Variants in FXR2 observed in about 807,000 individuals in gnomAD.
The protein encoded by FXR2 is RNA-binding protein FXR2.
Under a neutral mutation model 87.3 loss-of-function variants are expected in FXR2, and 9 were observed. That is an observed-to-expected ratio of 0.10 (90% CI 0.06 to 0.18). The LOEUF (loss-of-function observed/expected upper bound fraction) is 0.18. FXR2 is among the 10% of genes least tolerant of loss of function. The pLI is 1.00. For missense variants in FXR2, 661 were observed against 893.6 expected (o/e 0.74, Z 3.32); for synonymous variants, 331 against 328.3 (o/e 1.01, Z -0.09).
In FXR2 at chr17:7,593,529, C is replaced by T. The variant is rs762216200; in HGVS notation, c.1204G>A (p.Gly402Ser). ...CTATATCCAGCCTTGTCGCTGCCAC[C>T]GCTGCCCCGCCCACTCCCAGGAGGG... ...FRPPGSGRGS[G>S]GSDKAGYSTD... Residue 402 changes from glycine to serine, a missense_variant, in exon 12 of 17, where the codon GGT (glycine) becomes AGT (serine). This residue lies in a region of FXR2 where 409 missense variants were observed against 432.0 expected (regional missense o/e 0.95). Transcript: ENST00000250113. The surrounding 1 kb of genome is among the most constrained non-coding windows in gnomAD (Gnocchi z 6.1). The T allele has an allele frequency of 9.4e-6, 15 of 1,590,468 alleles. No individual in the cohort carries two copies. The highest frequency in any genetic ancestry group is 3.4e-5 in the South Asian group (3 of 87,440).
intron 1 of FXR2, among the ~76,000 whole-genome samples, chr17:7,612,540 G>C (rs1264593637): frequency 2.0e-5 from 3 of 152,104 alleles, no homozygotes; most frequent in African/African-American, 7.2e-5. Flanking sequence ...AGGGAATAAG[G>C]TGATTCCTGG....
In FXR2 at chr17:7,602,951, G is replaced by A; in HGVS notation, c.501C>T (p.Asn167=). 6.3e-7 allele frequency: 1 copy of A among 1,595,414 alleles called. No individual in the cohort carries two copies. ...TGTTTGTGATGTTGAGAAAGATGCA[G>A]TTGGCTCCCAGGGCTTTCTTGAACT... The part of the protein sequence containing the change: ...HKEFKKALGA[N]CIFLNITNSE... Residue 167 remains asparagine, a synonymous_variant, in exon 6 of 17, where the codon AAC becomes AAT. Coordinates refer to ENST00000250113, the MANE Select transcript of FXR2 (RefSeq NM_004860.4).
chr17:7,601,578 A>G lies in FXR2; in HGVS notation c.544-53T>C, dbSNP rs142277039. The stretch of plus-strand genomic sequence containing the variant: ...TAAAACTGGCTTGGAATAAACACTA[A>G]GGGAGAGCCAGGGACTAGAAATCAG... On this transcript the variant is annotated intron_variant, in intron 6 of 16. Transcript: ENST00000250113. 9.0e-6 allele frequency: 9 copies of G among 1,001,180 alleles called. No individual in the cohort carries two copies. The East Asian group carries it at 2.2e-4, about 24-fold the overall frequency. 62.0% of individuals were successfully genotyped at this position (1,001,180 alleles called of 1,614,324 possible). A position where few individuals can be genotyped will look rare whatever the true frequency, so the allele number is the denominator to read the frequency against.
chr17:7,603,661 G>T, intron 5 of FXR2, 96 bp downstream of exon 5: 1 of 1,234,488 alleles, frequency 8.1e-7, no homozygotes, highest in Non-Finnish European at 1.2e-6. Flanking sequence ...GGGAACAACA[G>T]AGAAAACTGC....
chr17:7,592,328 C>G lies in FXR2; in HGVS notation c.1852G>C (p.Ala618Pro). Residue 618 changes from alanine to proline, a missense_variant, in exon 16 of 17, where the codon GCA (alanine) becomes CCA (proline). By Grantham distance (27) the Ala-to-Pro change is conservative. Transcript: ENST00000250113. The surrounding 1 kb of genome is among the most constrained non-coding windows in gnomAD (Gnocchi z 4.8). ...PVTVADYISR[A>P]ESQSRQRPPL... ...GGCCTCTGGCGGCTCTGAGACTCTG[C>G]TCGTGAGATATAGTCAGCCACAGTC... 2.5e-6 allele frequency: 4 copies of G among 1,612,926 alleles called. No individual in the cohort carries two copies. Among genetic ancestry groups the G allele is most frequent in the Non-Finnish European group, 3.4e-6 (4 of 1,178,950 alleles).
rs2071667920 is a variant in FXR2 at position 7,592,201 on chromosome 17, C to T, written c.1926+53G>A. 1 of 1,542,180 alleles carries T rather than the reference C, an allele frequency of 6.5e-7. No individual in the cohort carries two copies. Among genetic ancestry groups the T allele is most frequent in the South Asian group, 1.1e-5 (1 of 87,884 alleles). Reference sequence around the variant, plus strand: ...TTTGTGAAATTTTTTGTGCCCCCTGCCCCAGAGTAACAACAAAAAAGGGAT... The same window carrying T: ...TTTGTGAAATTTTTTGTGCCCCCTGTCCCAGAGTAACAACAAAAAAGGGAT... On this transcript the variant is annotated intron_variant, in intron 16 of 16. Transcript: ENST00000250113. This position sits in a 1 kb window ranked among gnomAD's most constrained non-coding sequence, Gnocchi z 4.8.
chr17:7,605,772 C>G (rs758726945), intron 2 of FXR2, 34 bp from the exon 3 acceptor site: 2 of 1,177,412 alleles, frequency 1.7e-6, no homozygotes, highest in Middle Eastern at 1.9e-4. Flanking sequence ...AAAAGCTACT[C>G]TGACTGATAT....
chr17:7,603,059 G>C (rs558765744), intron 5 of FXR2, 57 bp from the exon 6 acceptor site: 6 of 840,890 alleles, frequency 7.1e-6, no homozygotes, highest in Non-Finnish European at 1.2e-5. Context: ...TGAAGAGTTC[G>C]GGGGAGGCTG....
At chr17:7,606,269 G>A in intron 1 of FXR2, 120 bp from the exon 2 acceptor site, 1 of 656,088 alleles carries the variant, frequency 1.5e-6, no homozygotes. Context: ...GGACACAAGT[G>A]GTGTAATGAG....
Position 7,592,191 on chromosome 17 carries a change from G to T in FXR2, c.1926+63C>A. ...CAGTAGGAGATTTGTGAAATTTTTT[G>T]TGCCCCCTGCCCCAGAGTAACAACA... On this transcript the variant is annotated intron_variant, in intron 16 of 16. Transcript: ENST00000250113. This position sits in a 1 kb window ranked among gnomAD's most constrained non-coding sequence, Gnocchi z 4.8. 6.5e-7 allele frequency: 1 copy of T among 1,539,222 alleles called. No individual in the cohort carries two copies. The highest frequency in any genetic ancestry group is 1.4e-5 in the African/African-American group (1 of 72,702).
rs745574615 is a variant in FXR2 at position 7,592,303 on chromosome 17, G to T, written c.1877C>A (p.Pro626Gln). 6.2e-7 allele frequency: 1 copy of T among 1,613,332 alleles called. No individual in the cohort carries two copies. The highest frequency in any genetic ancestry group is 8.5e-7 in the Non-Finnish European group (1 of 1,179,332). ...TGAGGGTTTAGTGCGTTCCAGGGGT[G>T]GCCTCTGGCGGCTCTGAGACTCTGC... ...SRAESQSRQR[P>Q]PLERTKPSED... is the part of the protein sequence containing the mutation. The change falls in exon 16 of 17, where the codon CCA becomes CAA. Residue 626 changes from proline to glutamine, a missense_variant. By Grantham distance (76) the Pro-to-Gln change is moderately conservative (BLOSUM62 -1). This residue lies in a region of FXR2 where 409 missense variants were observed against 432.0 expected (regional missense o/e 0.95). Transcript: ENST00000250113. The surrounding 1 kb of genome is among the most constrained non-coding windows in gnomAD (Gnocchi z 4.8).
At chr17:7,612,376 A>T (rs557032545) in intron 1 of FXR2, among the ~76,000 whole-genome samples, 2 of 152,338 alleles carry the variant, frequency 1.3e-5, no homozygotes, top group South Asian at 4.1e-4. Context: ...ATGAGAGACA[A>T]ATGTGCTCTA....
rs189005809 is a variant in FXR2, at chr17:7,593,180, G to A, written c.1332C>T (p.Gly444=). Residue 444 remains glycine, a splice_region_variant and synonymous_variant, in exon 13 of 17, where the codon GGC becomes GGT. Transcript: ENST00000250113. This position sits in a 1 kb window ranked among gnomAD's most constrained non-coding sequence, Gnocchi z 6.1. ...RGRRTGGPAY[G]PSSDVSTASE... ...AAGCTGTAGACACATCTGAGCTGGG[G>A]CCTGAAGAACACAATGGGATTTATT... 3 of 1,516,676 alleles carry A rather than the reference G, an allele frequency of 2.0e-6. No homozygotes were observed. The highest frequency in any genetic ancestry group is 2.3e-5 in the East Asian group (1 of 43,990). 94.0% of individuals were successfully genotyped at this position (1,516,676 alleles called of 1,614,324 possible). A position where few individuals can be genotyped will look rare whatever the true frequency, so the allele number is the denominator to read the frequency against.
chr17:7,610,000 GTATACA>G lies in FXR2; in HGVS notation c.82-3857_82-3852del, dbSNP rs1567754004. ...TATACATATATATATACATGTATAT[GTATACA>G]TATATATATACATGTATATGTATAC... On this transcript the variant is annotated intron_variant, in intron 1 of 16. Coordinates refer to ENST00000250113, the MANE Select transcript of FXR2 (RefSeq NM_004860.4). Among the ~76,000 whole-genome samples the G allele has an allele frequency of 1.9e-4, 24 of 125,790 alleles. 2 individuals are homozygous for G. Among genetic ancestry groups the G allele is most frequent in the African/African-American group, 5.0e-4 (17 of 34,242 alleles). 82.5% of individuals were successfully genotyped at this position (125,790 alleles called of 152,430 possible). A position where few individuals can be genotyped will look rare whatever the true frequency, so the allele number is the denominator to read the frequency against.
intron 1 of FXR2, among the ~76,000 whole-genome samples, chr17:7,606,817 G>C (rs554526580): frequency 6.6e-6 from 1 of 152,222 alleles, no homozygotes; most frequent in Admixed American, 6.5e-5. Flanking sequence ...ATTTTGACAA[G>C]AGCAAGAGGG....
intron 4 of FXR2, 45 bp from the exon 5 acceptor site, chr17:7,603,950 C>T (rs200987560): frequency 1.6e-5 from 26 of 1,611,688 alleles, no homozygotes; most frequent in Non-Finnish European, 2.2e-5. Context: ...ACCTGAGCAA[C>T]TTTCTATGAA....
intron 1 of FXR2, among the ~76,000 whole-genome samples, chr17:7,609,972 ATG>A (rs1292617412): frequency 9.6e-6 from 1 of 104,104 alleles, no homozygotes; most frequent in Non-Finnish European, 2.4e-5. Context: ...ATACATGTAT[ATG>A]TATACATATA....
At chr17:7,603,653 G>T (rs2071778527) in intron 5 of FXR2, 104 bp downstream of exon 5, 1 of 1,076,416 alleles carries the variant, frequency 9.3e-7, no homozygotes, top group Non-Finnish European at 1.4e-6. Context: ...AGGGCCAGGG[G>T]AACAACAGAG....
chr17:7,609,083 C>A (rs1024763418), intron 1 of FXR2, among the ~76,000 whole-genome samples: 16 of 152,150 alleles, frequency 1.1e-4, no homozygotes, highest in African/African-American at 3.9e-4. Context: ...CACTCCATAG[C>A]TTGGGCAACA....
Sources: allele counts gnomAD v4.1 joint callset (sites outside exome capture counted in the v4.1 genomes callset), GRCh38; gene constraint gnomAD v4.1.1; regional missense constraint gnomAD v4.1.1; non-coding constraint Gnocchi (gnomAD v3.1); transcripts MANE v1.5; gene names NCBI Gene and HGNC (gene_info 2026-07-23, HGNC 2026-07-21).